The following PTPRN2 variants were observed in gnomAD, a reference collection of about 807,000 sequenced individuals.
PTPRN2 encodes the protein protein tyrosine phosphatase receptor type N2.
A neutral mutation model predicts 118.8 loss-of-function variants in PTPRN2; 74 were observed. The ratio of observed to expected loss-of-function variants is 0.62; its 90% CI spans 0.52 to 0.76. The LOEUF (loss-of-function observed/expected upper bound fraction) is 0.76, where lower values mean the gene tolerates loss of function less well. PTPRN2 is among the 30% of genes least tolerant of loss of function. The pLI is 0.00. For synonymous variants in PTPRN2, 641 were observed against 608.0 expected (o/e 1.05, Z -0.80); for missense variants, 1,481 against 1,394.4 (o/e 1.06, Z -0.99).
intron 3 of PTPRN2, among the ~76,000 whole-genome samples, chr7:158,257,697 T>C (rs79649415): frequency 0.019 from 2,864 of 152,320 alleles, 104 homozygotes; most frequent in African/African-American, 0.065. Flanking sequence ...GCAGCTCCGC[T>C]CCTGGAGGAC....
At chr7:158,352,417 C>G (rs973066006) in intron 2 of PTPRN2, among the ~76,000 whole-genome samples, 1 of 152,216 alleles carries the variant, frequency 6.6e-6, no homozygotes, top group African/African-American at 2.4e-5. Flanking sequence ...AAGCACACAG[C>G]AGGACCCAAG....
chr7:158,440,871 AT>A (rs1563294832), intron 2 of PTPRN2, among the ~76,000 whole-genome samples: 17 of 62,722 alleles, frequency 2.7e-4, no homozygotes, highest in Admixed American at 1.1e-3. Context: ...GGGCAGTGGT[AT>A]TGGTGGTGGT....
chr7:158,511,888 C>T (rs963071892), intron 1 of PTPRN2, among the ~76,000 whole-genome samples: 3 of 152,056 alleles, frequency 2.0e-5, no homozygotes, highest in Non-Finnish European at 2.9e-5. Flanking sequence ...TCAAGGATTC[C>T]GGGAGAGGAA....
intron 4 of PTPRN2, among the ~76,000 whole-genome samples, chr7:158,194,257 T>C (rs1341758819): frequency 6.6e-6 from 1 of 152,238 alleles, no homozygotes; most frequent in African/African-American, 2.4e-5. Flanking sequence ...TTCGTAGACA[T>C]GGAGTTTAGA....
chr7:158,314,256 G>A (rs1280548924), intron 3 of PTPRN2, among the ~76,000 whole-genome samples: 1 of 152,212 alleles, frequency 6.6e-6, no homozygotes, highest in Non-Finnish European at 1.5e-5. Flanking sequence ...CGCACGTCCA[G>A]CCATCAGAGT....
intron 2 of PTPRN2, among the ~76,000 whole-genome samples, chr7:158,360,026 A>T: frequency 6.6e-6 from 1 of 151,538 alleles, no homozygotes; most frequent in Non-Finnish European, 1.5e-5. Flanking sequence ...CACCCAGACA[A>T]CCCACAGATC....
chr7:157,698,836 A>G (rs1423235409), intron 12 of PTPRN2, among the ~76,000 whole-genome samples: 1 of 152,246 alleles, frequency 6.6e-6, no homozygotes, highest in Non-Finnish European at 1.5e-5. Context: ...TATAGTATAT[A>G]TATTGTATTT....
At chr7:158,410,597 C>T (rs560580819) in intron 2 of PTPRN2, among the ~76,000 whole-genome samples, 1 of 152,350 alleles carries the variant, frequency 6.6e-6, no homozygotes, top group African/African-American at 2.4e-5. Flanking sequence ...TCGGTTTCCC[C>T]AACTTCGGTA....
At chr7:158,286,999 T>C (rs925307392) in intron 3 of PTPRN2, among the ~76,000 whole-genome samples, 19 of 152,204 alleles carry the variant, frequency 1.2e-4, no homozygotes, top group Non-Finnish European at 2.5e-4. Flanking sequence ...TATGGGAGAC[T>C]TTTTATTACT....
chr7:157,957,411 C>G (rs1220829945), intron 11 of PTPRN2, among the ~76,000 whole-genome samples: 1 of 152,062 alleles, frequency 6.6e-6, no homozygotes, highest in African/African-American at 2.4e-5. Context: ...AGAAGCATAT[C>G]CATGGAATCA....
At chr7:158,285,760 C>T (rs565704366) in intron 3 of PTPRN2, among the ~76,000 whole-genome samples, 26 of 152,196 alleles carry the variant, frequency 1.7e-4, no homozygotes, top group South Asian at 8.3e-4. Flanking sequence ...TCAGCTACAC[C>T]GGCTAACTCC....
At chr7:157,725,616 G>A (rs13224822) in intron 12 of PTPRN2, among the ~76,000 whole-genome samples, 62 of 137,582 alleles carry the variant, frequency 4.5e-4, no homozygotes, top group African/African-American at 9.2e-4. Flanking sequence ...ACACCCAGAG[G>A]AGTGTGGCCA....
In PTPRN2 at chr7:158,555,949, C is replaced by T. The variant is rs1826956018; in HGVS notation, c.112+31609G>A. Among the ~76,000 whole-genome samples the T allele has an allele frequency of 6.6e-6, 1 of 152,202 alleles. No individual in the cohort carries two copies. Among genetic ancestry groups the T allele is most frequent in the Non-Finnish European group, 1.5e-5 (1 of 68,030 alleles). ...TCTTCACTAGGTACAGAGTTGGCAC[C>T]AAATGGCTTTCTCCTACAAAATCAA... On this transcript the variant is annotated intron_variant, in intron 1 of 22. Transcript: ENST00000389418. This position sits in a 1 kb window ranked among gnomAD's most constrained non-coding sequence, Gnocchi z 4.7.
intron 11 of PTPRN2, among the ~76,000 whole-genome samples, chr7:158,037,309 GT>G (rs1808155827): frequency 1.3e-5 from 2 of 152,158 alleles, no homozygotes; most frequent in Non-Finnish European, 2.9e-5. Context: ...ACACTCTCAG[GT>G]CTCCTAACCA....
At position 158,525,586 on chromosome 7, in the gene PTPRN2, C is replaced by T. The variant is rs1222979878; in HGVS notation, c.113-35801G>A. Among the ~76,000 whole-genome samples the T allele has an allele frequency of 1.3e-5, 2 of 152,222 alleles. No homozygotes were observed. The highest frequency in any genetic ancestry group is 2.4e-5 in the African/African-American group (1 of 41,464). ...ATCTCCTCCCTTCCTCCTGAGAGGT[C>T]CTACGGGATGGAGTATTAATAGTGC... On this transcript the variant is annotated intron_variant, in intron 1 of 22. Transcript: ENST00000389418. This position sits in a 1 kb window ranked among gnomAD's most constrained non-coding sequence, Gnocchi z 4.1.
intron 22 of PTPRN2, among the ~76,000 whole-genome samples, chr7:157,542,060 C>G (rs1275737453): frequency 1.3e-5 from 2 of 152,194 alleles, no homozygotes; most frequent in Admixed American, 1.3e-4. Context: ...TGCGCCCCGT[C>G]TCTCTCCCCT....
intron 3 of PTPRN2, among the ~76,000 whole-genome samples, chr7:158,249,209 C>T (rs565553170): frequency 7.4e-4 from 112 of 152,190 alleles, no homozygotes; most frequent in African/African-American, 2.6e-3. Flanking sequence ...CACATGCACA[C>T]CATACATAAA....
chr7:158,021,622 T>C (rs1295867592), intron 11 of PTPRN2, among the ~76,000 whole-genome samples: 1 of 151,292 alleles, frequency 6.6e-6, no homozygotes, highest in East Asian at 2.0e-4. Context: ...CAGCCAAGGA[T>C]AGAGGCCTCT....
chr7:157,553,857 A>G (rs551814949), intron 21 of PTPRN2, among the ~76,000 whole-genome samples: 102 of 152,334 alleles, frequency 6.7e-4, no homozygotes, highest in African/African-American at 2.4e-3. Flanking sequence ...AGAAGCTTTC[A>G]TAGAGCCCAT....
Sources: gnomAD v4.1 joint callset for allele counts (sites outside exome capture counted in the v4.1 genomes callset) on GRCh38, gnomAD v4.1.1 for gene constraint, Gnocchi (gnomAD v3.1) non-coding constraint, MANE v1.5 for transcripts, NCBI Gene and HGNC (gene_info 2026-07-23, HGNC 2026-07-21) for gene names.